The following RFX1 variants were observed in gnomAD, a reference collection of about 807,000 sequenced individuals.
RFX1 encodes the protein MHC class II regulatory factor RFX1.
In RFX1, 42 loss-of-function variants were observed where a neutral mutation model predicts 119.6. That is an observed-to-expected ratio of 0.35 (90% confidence interval 0.27 to 0.45). The LOEUF (loss-of-function observed/expected upper bound fraction) is 0.45. Ranked by LOEUF, RFX1 falls within the 20% of genes least tolerant of loss-of-function variation. RFX1 has a pLI of 1.00. For missense variants in RFX1, 1,118 were observed against 1,368.1 expected, an observed-to-expected ratio of 0.82 and a Z score of 2.88; for synonymous variants, 628 against 618.5, an observed-to-expected ratio of 1.02 and a Z score of -0.23.
intron 1 of RFX1, among the ~76,000 whole-genome samples, chr19:13,995,162 C>T (rs1881877069): frequency 6.6e-6 from 1 of 151,694 alleles, no homozygotes; most frequent in Non-Finnish European, 1.5e-5. Flanking sequence ...AAGGTGCTTG[C>T]CCCAGGCCAC....
At position 13,968,489 on chromosome 19, in the gene RFX1, G is replaced by A. The variant is rs937535281; in HGVS notation, c.1732+76C>T. ...CTCCCCAGCTCAGAGGCTGCCTGCC[G>A]CCATCCAGCTTTGGGAACCGTCTGC... On this transcript the variant is annotated intron_variant, in intron 12 of 20. Transcript: ENST00000254325. This position sits in a 1 kb window ranked among gnomAD's most constrained non-coding sequence, Gnocchi z 5.5. 29 of 1,227,862 alleles carry A rather than the reference G, an allele frequency of 2.4e-5. No individual in the cohort carries two copies. The highest frequency in any genetic ancestry group is 1.9e-4 in the Admixed American group (11 of 58,636). 76.1% of individuals were successfully genotyped at this position (1,227,862 alleles called of 1,614,324 possible).
Position 13,970,155 on chromosome 19 carries a change from G to A in RFX1, c.1335C>T (p.Asn445=). ...GACTCACGCCCTCAGCCGTCTCATA[G>A]TTGTCCAGGAGCCACTGGACCTGGG... ...SPATVQWLLD[N]YETAEGVSLP... The change falls in exon 10 of 21, where the codon AAC becomes AAT. Residue 445 remains asparagine (N), a synonymous_variant. Coordinates refer to ENST00000254325, the MANE Select transcript of RFX1 (RefSeq NM_002918.5). 1 of 1,611,778 alleles carries A rather than the reference G, an allele frequency of 6.2e-7. No individual in the cohort carries two copies. The highest frequency in any genetic ancestry group is 8.5e-7 in the Non-Finnish European group (1 of 1,178,668).
chr19:13,999,287 G>T (rs1427226675), intron 1 of RFX1, among the ~76,000 whole-genome samples: 1 of 152,200 alleles, frequency 6.6e-6, no homozygotes, highest in Non-Finnish European at 1.5e-5. Context: ...GCCAAGAAAA[G>T]CACTAGTGGC....
At chr19:14,003,354 G>C (rs1051827241) in intron 1 of RFX1, among the ~76,000 whole-genome samples, 1 of 119,646 alleles carries the variant, frequency 8.4e-6, no homozygotes, top group Non-Finnish European at 1.6e-5. Flanking sequence ...AGCCAGGGGA[G>C]TGACTTTCCC....
At chr19:13,982,090 G>T in intron 5 of RFX1, 31 bp downstream of exon 5, 1 of 1,159,270 alleles carries the variant, frequency 8.6e-7, no homozygotes, top group Non-Finnish European at 1.1e-6. Flanking sequence ...AGACAGCAGG[G>T]GGGAGGGCGG....
chr19:13,989,920 G>A (rs1369476626), intron 2 of RFX1, among the ~76,000 whole-genome samples: 1 of 152,154 alleles, frequency 6.6e-6, no homozygotes, highest in East Asian at 1.9e-4. Context: ...TCAAGGAGGA[G>A]TAGGACAGAA....
intron 8 of RFX1, among the ~76,000 whole-genome samples, chr19:13,975,361 C>CAAA (rs59604119): frequency 3.3e-5 from 4 of 120,354 alleles, no homozygotes; most frequent in African/African-American, 1.2e-4. Flanking sequence ...AACTCTATCT[C>CAAA]AAAAAAAAAA....
chr19:13,979,203 G>A (rs1568468699), intron 7 of RFX1, among the ~76,000 whole-genome samples: 1 of 152,240 alleles, frequency 6.6e-6, no homozygotes, highest in Non-Finnish European at 1.5e-5. Flanking sequence ...CGCCGCCCGG[G>A]GTCTCGGAGA....
rs1415610314 is a variant in RFX1 at position 13,985,989 on chromosome 19, T to C, written c.320-2394A>G. On this transcript the variant is annotated intron_variant, in intron 2 of 20. Transcript: ENST00000254325. This position sits in a 1 kb window ranked among gnomAD's most constrained non-coding sequence, Gnocchi z 4.3. Reference sequence around the variant, plus strand: ...CCTGACCAGCTACCTGTGCAGCCAATTCCACAGGCCCTAATCCCTGTGTTT... The same window carrying C: ...CCTGACCAGCTACCTGTGCAGCCAACTCCACAGGCCCTAATCCCTGTGTTT... 6.6e-6 allele frequency among the ~76,000 whole-genome samples: 1 copy of C among 152,142 alleles called. No individual in the cohort carries two copies. Among genetic ancestry groups the C allele is most frequent in the Non-Finnish European group, 1.5e-5 (1 of 68,006 alleles).
At position 13,965,844 on chromosome 19, in the gene RFX1, G is replaced by T. The variant is rs546287614; in HGVS notation, c.1962-67C>A. ...TGGTCCTGCCCCCATCGTCAGAAGGGAACAGGTAGCCCCTGTCCCTGACCC... is the reference window on the plus strand; with the variant it reads ...TGGTCCTGCCCCCATCGTCAGAAGGTAACAGGTAGCCCCTGTCCCTGACCC... On this transcript the variant is annotated intron_variant, in intron 14 of 20. Transcript: ENST00000254325. This position sits in a 1 kb window ranked among gnomAD's most constrained non-coding sequence, Gnocchi z 4.7. The T allele has an allele frequency of 9.6e-6, 15 of 1,564,578 alleles. No individual in the cohort carries two copies. Among genetic ancestry groups the T allele is most frequent in the Non-Finnish European group, 1.3e-5 (15 of 1,150,032 alleles).
intron 2 of RFX1, among the ~76,000 whole-genome samples, chr19:13,987,866 G>A (rs1209426749): frequency 6.6e-6 from 1 of 152,136 alleles, no homozygotes; most frequent in East Asian, 1.9e-4. Context: ...GGTTGCTACA[G>A]CCTGCCCTCA....
Position 13,965,693 on chromosome 19 carries a change from G to T in RFX1, c.2046C>A (p.His682Gln). 6.2e-7 allele frequency: 1 copy of T among 1,613,958 alleles called. No homozygotes were observed. Among genetic ancestry groups the T allele is most frequent in the Non-Finnish European group, 8.5e-7 (1 of 1,179,990 alleles). The change falls in exon 15 of 21, where the codon CAC (histidine) becomes CAA (glutamine). Residue 682 changes from histidine (H) to glutamine (Q), a missense_variant. Physicochemically the swap from His to Gln is conservative, Grantham distance 24 (BLOSUM62 0). Coordinates refer to ENST00000254325, the MANE Select transcript of RFX1 (RefSeq NM_002918.5). The surrounding 1 kb of genome is among the most constrained non-coding windows in gnomAD (Gnocchi z 4.7). ...KFEPVLQWTK[H>Q]CDNVLYQGLV... ...GGCCCTGGTACAGCACGTTGTCACA[G>T]TGCTTGGTCCATTGGAGCACGGGCT... is the stretch of plus-strand genomic sequence containing the variant.
chr19:13,999,811 G>A (rs1360937633), intron 1 of RFX1, among the ~76,000 whole-genome samples: 1 of 152,136 alleles, frequency 6.6e-6, no homozygotes, highest in Non-Finnish European at 1.5e-5. Context: ...GAGGAGCTGG[G>A]ATTACAGGTG....
chr19:13,995,135 T>G (rs1454177076), intron 1 of RFX1, among the ~76,000 whole-genome samples: 1 of 151,510 alleles, frequency 6.6e-6, no homozygotes, highest in Non-Finnish European at 1.5e-5. Flanking sequence ...GATAGGGAGC[T>G]GAGGCTCAGA....
Position 13,972,973 on chromosome 19 carries a change from C to T in RFX1, c.1084G>A (p.Gly362Ser), listed in dbSNP as rs759956863. 2.2e-5 allele frequency: 35 copies of T among 1,599,748 alleles called. No individual in the cohort carries two copies. The highest frequency in any genetic ancestry group is 5.0e-5 in the Admixed American group (3 of 59,936). Reference protein sequence around the residue: ...SSGSMPMYVSGSQVVASSTST... With the variant: ...SSGSMPMYVSSSQVVASSTST... ...GTGGAGCTGGCGACGACCTGGCTGC[C>T]GGACACGTACATGGGCATGGAGCCA... is the stretch of plus-strand genomic sequence containing the variant. The change falls in exon 9 of 21, where the codon GGC (glycine) becomes AGC (serine). Residue 362 changes from glycine to serine, a missense_variant. Coordinates refer to ENST00000254325, the MANE Select transcript of RFX1 (RefSeq NM_002918.5).
intron 2 of RFX1, among the ~76,000 whole-genome samples, chr19:13,984,354 C>T (rs1033736199): frequency 2.6e-5 from 4 of 152,072 alleles, no homozygotes; most frequent in Non-Finnish European, 5.9e-5. Flanking sequence ...CTAATCCCCC[C>T]GGTGGATGCA....
intron 2 of RFX1, among the ~76,000 whole-genome samples, chr19:13,991,764 G>C (rs1974810277): frequency 6.6e-6 from 1 of 152,080 alleles, no homozygotes; most frequent in South Asian, 2.1e-4. Flanking sequence ...GGGTTCAAGT[G>C]ATTTTTCCTG....
intron 1 of RFX1, among the ~76,000 whole-genome samples, chr19:14,003,813 A>C (rs1418698364): frequency 6.6e-6 from 1 of 152,196 alleles, no homozygotes; most frequent in African/African-American, 2.4e-5. Context: ...TTCTCTTCCT[A>C]GTCAAATGAC....
chr19:13,961,814 G>C lies in RFX1; in HGVS notation c.*881C>G, dbSNP rs1973674870. 6.6e-6 allele frequency: 1 copy of C among 152,360 alleles called. No homozygotes were observed. Among genetic ancestry groups the C allele is most frequent in the Admixed American group, 6.5e-5 (1 of 15,284 alleles). The allele number at this position is 152,360 out of a possible 1,614,324, so 9.4% of individuals were successfully genotyped here. ...CACTGAGAAAACTGGAACAGATAAG[G>C]CCATGATGGTTGGAAAAAAACCCAA... On this transcript the variant is annotated 3_prime_UTR_variant, in exon 21 of 21. Transcript: ENST00000254325.
Sources: allele counts gnomAD v4.1 joint callset (sites outside exome capture counted in the v4.1 genomes callset), GRCh38; gene constraint gnomAD v4.1.1; non-coding constraint Gnocchi (gnomAD v3.1); transcripts MANE v1.5; gene names NCBI Gene and HGNC (gene_info 2026-07-23, HGNC 2026-07-21).